The following SYNE2 variants were observed in gnomAD, a reference collection of about 807,000 sequenced individuals.
SYNE2 encodes the protein spectrin repeat containing nuclear envelope protein 2, also known as nesprin-2.
A neutral mutation model predicts 856.3 loss-of-function variants in SYNE2; 431 were observed. The observed-to-expected ratio is 0.50, with a 90% CI of 0.47 to 0.55. The LOEUF is 0.55. Ranked by LOEUF, SYNE2 falls within the 20% of genes least tolerant of loss-of-function variation. The pLI, the probability that SYNE2 is intolerant of heterozygous loss-of-function variation, is 0.00. For synonymous variants in SYNE2, 2,923 were observed against 2,872.3 expected, an observed-to-expected ratio of 1.02 and a Z score of -0.56; for missense variants, 8,129 against 8,023.2, an observed-to-expected ratio of 1.01 and a Z score of -0.50.
intron 1 of SYNE2, among the ~76,000 whole-genome samples, chr14:63,855,920 C>A (rs1891593221): frequency 1.3e-5 from 2 of 152,138 alleles, no homozygotes; most frequent in Non-Finnish European, 2.9e-5. Context: ...TAACCAAGGC[C>A]TCCTAGAATA....
chr14:64,022,613 A>G (rs1254367871), intron 37 of SYNE2, 138 bp from the exon 38 acceptor site: 1 of 687,710 alleles, frequency 1.5e-6, no homozygotes, highest in Non-Finnish European at 2.7e-6. Context: ...TAGCCCTCAA[A>G]ATTGGGTTTC....
chr14:63,818,386 C>T (rs1889088363), intron 1 of SYNE2, among the ~76,000 whole-genome samples: 1 of 147,872 alleles, frequency 6.8e-6, no homozygotes, highest in Non-Finnish European at 1.5e-5. Flanking sequence ...GGCATGGTGA[C>T]ACAAGTCTGT....
intron 2 of SYNE2, among the ~76,000 whole-genome samples, chr14:63,921,030 G>T (rs1433327904): frequency 6.6e-6 from 1 of 152,142 alleles, no homozygotes; most frequent in African/African-American, 2.4e-5. Flanking sequence ...CAGGAGAATA[G>T]CTTGAACCTG....
chr14:63,880,981 G>A (rs2094849245), intron 1 of SYNE2, among the ~76,000 whole-genome samples: 1 of 151,864 alleles, frequency 6.6e-6, no homozygotes, highest in Non-Finnish European at 1.5e-5. Context: ...TCGAGTAGCT[G>A]GGATTACAGG....
intron 1 of SYNE2, among the ~76,000 whole-genome samples, chr14:63,789,010 A>C (rs1374139591): frequency 6.6e-6 from 1 of 152,250 alleles, no homozygotes; most frequent in Non-Finnish European, 1.5e-5. Flanking sequence ...GTATATATAC[A>C]CAATGGAATA....
intron 2 of SYNE2, among the ~76,000 whole-genome samples, chr14:63,920,467 T>C (rs188928360): frequency 1.2e-4 from 18 of 151,032 alleles, no homozygotes; most frequent in Admixed American, 1.1e-3. Flanking sequence ...TAAAGGAGAA[T>C]TAAAATTTGA....
intron 2 of SYNE2, among the ~76,000 whole-genome samples, chr14:63,919,741 C>T (rs2095574528): frequency 6.6e-6 from 1 of 152,136 alleles, no homozygotes; most frequent in Admixed American, 6.5e-5. Flanking sequence ...ATAATAAATG[C>T]CACACAGCAG....
intron 19 of SYNE2, among the ~76,000 whole-genome samples, chr14:63,987,773 A>T (rs1012320157): frequency 2.0e-5 from 3 of 147,034 alleles, no homozygotes; most frequent in East Asian, 1.9e-4. Flanking sequence ...AAAATTTTTT[A>T]AATAATTTAA....
intron 113 of SYNE2, 77 bp downstream of exon 113, chr14:64,223,457 T>G: frequency 6.4e-7 from 1 of 1,559,098 alleles, no homozygotes. Context: ...GTAGCAATGC[T>G]CTAAGACAGA....
intron 8 of SYNE2, among the ~76,000 whole-genome samples, chr14:63,961,315 C>A (rs143192697): frequency 1.3e-5 from 2 of 152,202 alleles, no homozygotes; most frequent in East Asian, 3.8e-4. Flanking sequence ...AGGATTTAAC[C>A]CAGATCTCTC....
At chr14:64,190,578 C>G (rs2098513349) in intron 99 of SYNE2, 1 of 701,558 alleles carries the variant, frequency 1.4e-6, no homozygotes, top group Non-Finnish European at 2.6e-6. Flanking sequence ...CACAGTGGAG[C>G]CATGCCCGTT....
intron 82 of SYNE2, among the ~76,000 whole-genome samples, chr14:64,142,368 C>T (rs924989535): frequency 2.6e-5 from 4 of 152,186 alleles, no homozygotes; most frequent in African/African-American, 9.7e-5. Context: ...CCAATAACCA[C>T]AGACTCTGCC....
At chr14:63,821,194 AACTT>A (rs1889197810) in intron 1 of SYNE2, among the ~76,000 whole-genome samples, 1 of 152,184 alleles carries the variant, frequency 6.6e-6, no homozygotes, top group African/African-American at 2.4e-5. Context: ...AAAATATAAA[AACTT>A]ACTACATTTC....
intron 1 of SYNE2, among the ~76,000 whole-genome samples, chr14:63,817,762 G>A (rs1046938492): frequency 3.9e-5 from 6 of 152,150 alleles, no homozygotes; most frequent in Admixed American, 1.3e-4. Flanking sequence ...GGTGGCTCAT[G>A]TCTATGATCC....
In SYNE2 at chr14:64,152,673, G is replaced by C. The variant is rs201962497; in HGVS notation, c.15749G>C (p.Arg5250Pro). The change falls in exon 85 of 116, where the codon CGA becomes CCA. Residue 5250 changes from arginine (R) to proline (P), a missense_variant. Arg to Pro is a moderately radical substitution (Grantham distance 103). Transcript: ENST00000555002. ...AVPLLEDTAS[R>P]IDELFQKRSS... ...CCATTGTTAGAAGATACAGCATCCC[G>C]AATTGATGAGTTATTTCAAAAGAGA... is the stretch of plus-strand genomic sequence containing the variant. 2 of 1,614,060 alleles carry C rather than the reference G, an allele frequency of 1.2e-6. No homozygotes were observed. Among genetic ancestry groups the C allele is most frequent in the Non-Finnish European group, 1.7e-6 (2 of 1,179,984 alleles).
intron 1 of SYNE2, among the ~76,000 whole-genome samples, chr14:63,872,294 G>A (rs1897036701): frequency 6.6e-6 from 1 of 152,030 alleles, no homozygotes; most frequent in Non-Finnish European, 1.5e-5. Context: ...GCCAGGCATG[G>A]TGGCACACGC....
rs1434383252 is a variant in SYNE2, at chr14:64,225,634, C to T, written c.*108C>T. The T allele has an allele frequency of 4.1e-6, 5 of 1,218,724 alleles. No individual in the cohort carries two copies. In the African/African-American group the frequency reaches 7.5e-5, roughly 18 times the overall value. The allele number at this position is 1,218,724 out of a possible 1,614,324, so 75.5% of individuals were successfully genotyped here. ...CTTAGTGTTGGCAAGGTCCCGGGAC[C>T]TGTGCAGACTTCTTCTGGGCTTACC... is the stretch of plus-strand genomic sequence containing the variant. On this transcript the variant is annotated 3_prime_UTR_variant, in exon 116 of 116. Coordinates refer to ENST00000555002, the MANE Select transcript of SYNE2 (RefSeq NM_182914.3).
chr14:64,206,614 G>A (rs1364172236), intron 100 of SYNE2, among the ~76,000 whole-genome samples: 1 of 150,334 alleles, frequency 6.7e-6, no homozygotes, highest in African/African-American at 2.4e-5. Context: ...TTATTGTAGA[G>A]TTCATTTCTT....
chr14:64,022,722 T>C (rs1357524241), intron 37 of SYNE2, 29 bp from the exon 38 acceptor site: 1 of 1,174,152 alleles, frequency 8.5e-7, no homozygotes, highest in South Asian at 1.3e-5. Flanking sequence ...CTTCCTTGAA[T>C]GAATAGAGCT....
Sources: allele counts gnomAD v4.1 joint callset (sites outside exome capture counted in the v4.1 genomes callset), GRCh38; gene constraint gnomAD v4.1.1; transcripts MANE v1.5; gene names NCBI Gene and HGNC (gene_info 2026-07-23, HGNC 2026-07-21).